Variants in HDAC9 observed in about 807,000 individuals in gnomAD.
HDAC9 encodes the protein MEF-2 interacting transcription repressor (MITR) protein.
Under a neutral mutation model 139.4 loss-of-function variants are expected in HDAC9, and 41 were observed. That is an observed-to-expected ratio of 0.29 (90% CI 0.23 to 0.38). The LOEUF (loss-of-function observed/expected upper bound fraction) is 0.38. Among genes scored for constraint, HDAC9 ranks in the 10% least tolerant of loss-of-function variants. The pLI is 1.00. For missense variants in HDAC9, 1,147 were observed against 1,297.0 expected (o/e 0.88, Z 1.78); for synonymous variants, 517 against 476.2 (o/e 1.09, Z -1.12).
At chr7:18,461,918 A>G (rs1024302681) in intron 1 of HDAC9, among the ~76,000 whole-genome samples, 2 of 152,276 alleles carry the variant, frequency 1.3e-5, no homozygotes, top group African/African-American at 2.4e-5. Context: ...GACAGCTGAC[A>G]TAGATTATCT....
chr7:18,793,901 A>C (rs1458481880), intron 17 of HDAC9, among the ~76,000 whole-genome samples: 2 of 152,184 alleles, frequency 1.3e-5, no homozygotes, highest in East Asian at 3.8e-4. Flanking sequence ...AGGAGGAAGG[A>C]AATTGTTGAT....
chr7:18,168,889 T>G (rs879729841), intron 2 of HDAC9, among the ~76,000 whole-genome samples: 6,351 of 118,292 alleles, frequency 0.054, 190 homozygotes, highest in Non-Finnish European at 0.061. Context: ...GTTTTTTTTT[T>G]TTTTTTTTTG....
intron 12 of HDAC9, among the ~76,000 whole-genome samples, chr7:18,719,283 A>G (rs1485433589): frequency 1.3e-5 from 2 of 148,820 alleles, no homozygotes; most frequent in African/African-American, 4.9e-5. Flanking sequence ...TTGAAGCACA[A>G]CATTTTTTAA....
intron 2 of HDAC9, chr7:18,502,556 A>G (rs1002599330): frequency 2.6e-5 from 4 of 152,208 alleles, no homozygotes; most frequent in African/African-American, 7.2e-5. Flanking sequence ...AAGTAAATGG[A>G]CTATGTTTAT....
At chr7:18,219,620 T>C (rs1792543982) in intron 2 of HDAC9, among the ~76,000 whole-genome samples, 1 of 152,164 alleles carries the variant, frequency 6.6e-6, no homozygotes, top group Non-Finnish European at 1.5e-5. Context: ...TCTCAGTGTT[T>C]CCATGTGATA....
intron 2 of HDAC9, among the ~76,000 whole-genome samples, chr7:18,168,889 T>TGTG (rs1477545915): frequency 8.5e-5 from 10 of 118,268 alleles, no homozygotes; most frequent in African/African-American, 3.6e-4. Context: ...GTTTTTTTTT[T>TGTG]TTTTTTTTTG....
chr7:18,300,771 G>T (rs1255441700), intron 1 of HDAC9, among the ~76,000 whole-genome samples: 3 of 152,050 alleles, frequency 2.0e-5, no homozygotes, highest in African/African-American at 7.2e-5. Context: ...GTGCTTGCTA[G>T]AAAATAAATT....
intron 24 of HDAC9, among the ~76,000 whole-genome samples, chr7:18,957,062 G>C (rs1212587841): frequency 6.6e-6 from 1 of 152,166 alleles, no homozygotes; most frequent in Non-Finnish European, 1.5e-5. Context: ...AATGATAGTA[G>C]CATCACCACA....
intron 2 of HDAC9, among the ~76,000 whole-genome samples, chr7:18,165,508 T>G (rs1364618440): frequency 6.6e-6 from 1 of 152,134 alleles, no homozygotes; most frequent in Non-Finnish European, 1.5e-5. Flanking sequence ...TAACACTGGC[T>G]AGGTGCAGTG....
intron 22 of HDAC9, among the ~76,000 whole-genome samples, chr7:18,907,386 C>A (rs1802356648): frequency 6.6e-6 from 1 of 152,160 alleles, no homozygotes. Flanking sequence ...TTACTTAATT[C>A]ACGAGTGATG....
chr7:18,613,128 A>G (rs1474060434), intron 6 of HDAC9, among the ~76,000 whole-genome samples: 2 of 148,672 alleles, frequency 1.3e-5, no homozygotes, highest in African/African-American at 2.4e-5. Context: ...ATAATATAAT[A>G]GATATATTTA....
At chr7:18,720,254 A>G (rs981876314) in intron 12 of HDAC9, among the ~76,000 whole-genome samples, 1 of 152,016 alleles carries the variant, frequency 6.6e-6, no homozygotes, top group African/African-American at 2.4e-5. Flanking sequence ...CTGCACCTGA[A>G]CAAACTGGCT....
At chr7:18,106,862 C>T (rs943972041) in intron 1 of HDAC9, among the ~76,000 whole-genome samples, 5 of 151,538 alleles carry the variant, frequency 3.3e-5, no homozygotes, top group African/African-American at 9.8e-5. Flanking sequence ...TCCTGGAATC[C>T]CTTTTTATAC....
At chr7:18,097,001 T>G (rs1407197303) in intron 1 of HDAC9, among the ~76,000 whole-genome samples, 1 of 151,966 alleles carries the variant, frequency 6.6e-6, no homozygotes, top group Non-Finnish European at 1.5e-5. Context: ...TCCAGTAAGA[T>G]TTTCTGTGAT....
intron 12 of HDAC9, among the ~76,000 whole-genome samples, chr7:18,712,431 A>C (rs1784413954): frequency 6.6e-6 from 1 of 152,234 alleles, no homozygotes; most frequent in African/African-American, 2.4e-5. Flanking sequence ...TTATTCTGCA[A>C]GTTTACAATA....
chr7:18,168,755 A>G (rs1355220427), intron 2 of HDAC9, among the ~76,000 whole-genome samples: 2 of 152,070 alleles, frequency 1.3e-5, no homozygotes, highest in Non-Finnish European at 2.9e-5. Context: ...GAGAATGTCA[A>G]CGTATAGCAG....
At chr7:18,153,307 G>A (rs908427291) in intron 1 of HDAC9, among the ~76,000 whole-genome samples, 1 of 151,998 alleles carries the variant, frequency 6.6e-6, no homozygotes, top group Non-Finnish European at 1.5e-5. Flanking sequence ...CGGGGTGGGA[G>A]TGGCCTGAGC....
chr7:18,555,869 AAC>A (rs1204195699), intron 2 of HDAC9, among the ~76,000 whole-genome samples: 1 of 152,124 alleles, frequency 6.6e-6, no homozygotes, highest in Non-Finnish European at 1.5e-5. Flanking sequence ...AAATTTTTAT[AAC>A]ATGGCAAAAT....
chr7:18,466,257 C>T (rs1016411226), intron 1 of HDAC9, among the ~76,000 whole-genome samples: 3 of 152,086 alleles, frequency 2.0e-5, no homozygotes, highest in Admixed American at 1.3e-4. Context: ...AGTGCAGTGG[C>T]GTGATTTCAG....
Sources: gnomAD v4.1 joint callset for allele counts (sites outside exome capture counted in the v4.1 genomes callset) on GRCh38, gnomAD v4.1.1 for gene constraint, MANE v1.5 for transcripts, NCBI Gene and HGNC (gene_info 2026-07-23, HGNC 2026-07-21) for gene names.